PTPRD: variants seen among roughly 807,000 people sequenced by gnomAD.
PTPRD encodes the protein protein tyrosine phosphatase receptor type D.
A neutral mutation model predicts 214.5 loss-of-function variants in PTPRD; 34 were observed. That is an observed-to-expected ratio of 0.16 (90% CI 0.12 to 0.21). PTPRD has a LOEUF of 0.21. Among genes scored for constraint, PTPRD ranks in the 10% least tolerant of loss-of-function variants. The probability of loss-of-function intolerance (pLI) is 1.00; values close to 1 mark genes in which losing one functional copy is unlikely to be tolerated. For missense variants in PTPRD, 2,545 were observed against 2,398.7 expected (o/e 1.06, Z -1.27); for synonymous variants, 1,128 against 845.7 (o/e 1.33, Z -5.79).
chr9:9,453,020 A>ATTTTT (rs34378799), intron 8 of PTPRD, among the ~76,000 whole-genome samples: 3 of 144,932 alleles, frequency 2.1e-5, no homozygotes, highest in South Asian at 2.1e-4. Flanking sequence ...AGCCTATTTT[A>ATTTTT]TTTTTTTTTT....
rs147154916 is a variant in PTPRD at position 9,757,986 on chromosome 9, G to C, written c.-326+8824C>G. On this transcript the variant is annotated intron_variant, in intron 6 of 45. Transcript: ENST00000381196. Reference sequence around the variant, plus strand: ...AGTCATAATTATTACCAACTTATCAGTGCTTACATTTGGATAGTTCCACTG... The same window carrying C: ...AGTCATAATTATTACCAACTTATCACTGCTTACATTTGGATAGTTCCACTG... 4.2e-3 allele frequency among the ~76,000 whole-genome samples: 639 copies of C among 151,966 alleles called. 2 individuals are homozygous for C. Among genetic ancestry groups the C allele is most frequent in the African/African-American group, 0.014 (594 of 41,456 alleles).
chr9:9,840,060 C>CA (rs1360615169), intron 5 of PTPRD, among the ~76,000 whole-genome samples: 1 of 151,890 alleles, frequency 6.6e-6, no homozygotes, highest in Non-Finnish European at 1.5e-5. Context: ...TTTTCTGAGA[C>CA]AGAGTCTCGC....
chr9:8,795,465 G>T (rs2154514224), intron 11 of PTPRD, among the ~76,000 whole-genome samples: 1 of 152,222 alleles, frequency 6.6e-6, no homozygotes, highest in South Asian at 2.1e-4. Context: ...ACCACACCCA[G>T]CCAATGAAAA....
chr9:9,293,224 T>C (rs1951789888), intron 9 of PTPRD, among the ~76,000 whole-genome samples: 1 of 151,608 alleles, frequency 6.6e-6, no homozygotes, highest in Non-Finnish European at 1.5e-5. Flanking sequence ...TTTACCTATT[T>C]AATCATTAAC....
At chr9:9,822,805 C>T (rs150610123) in intron 5 of PTPRD, among the ~76,000 whole-genome samples, 42 of 151,764 alleles carry the variant, frequency 2.8e-4, no homozygotes, top group South Asian at 6.2e-4. Context: ...CGATTCTCAG[C>T]GAAATAATAA....
chr9:8,832,410 CTT>C (rs5896262), intron 11 of PTPRD, among the ~76,000 whole-genome samples: 11,606 of 127,892 alleles, frequency 0.091, 591 homozygotes, highest in African/African-American at 0.099. Context: ...CTAAAATCAT[CTT>C]TTTTTTTTTT....
At chr9:8,673,151 T>G (rs879786819) in intron 12 of PTPRD, among the ~76,000 whole-genome samples, 10 of 151,954 alleles carry the variant, frequency 6.6e-5, no homozygotes, top group Non-Finnish European at 1.0e-4. Flanking sequence ...TCTGAGAATA[T>G]CAGATCATCT....
At chr9:10,411,600 G>T (rs1048207839) in intron 2 of PTPRD, among the ~76,000 whole-genome samples, 1 of 151,672 alleles carries the variant, frequency 6.6e-6, no homozygotes, top group Non-Finnish European at 1.5e-5. Context: ...CTTACTTGCT[G>T]ATTTGCTATA....
At chr9:9,527,457 C>A (rs2074384268) in intron 8 of PTPRD, among the ~76,000 whole-genome samples, 1 of 152,150 alleles carries the variant, frequency 6.6e-6, no homozygotes. Context: ...ACTGTCTCTT[C>A]ATCAGAAAAT....
chr9:10,412,761 A>G (rs1000538477), intron 2 of PTPRD, among the ~76,000 whole-genome samples: 17 of 151,902 alleles, frequency 1.1e-4, no homozygotes, highest in Admixed American at 1.1e-3. Flanking sequence ...GCTTATCCAC[A>G]ACGATCAAGT....
intron 8 of PTPRD, among the ~76,000 whole-genome samples, chr9:9,506,271 G>A (rs1369775982): frequency 2.0e-5 from 3 of 151,272 alleles, no homozygotes; most frequent in East Asian, 1.9e-4. Flanking sequence ...CATTCATACT[G>A]AGGACAAAAG....
chr9:9,864,339 A>AAAAC (rs1555236429), intron 5 of PTPRD, among the ~76,000 whole-genome samples: 70 of 151,854 alleles, frequency 4.6e-4, no homozygotes, highest in African/African-American at 1.6e-3. Flanking sequence ...TAAAAAAAAA[A>AAAAC]AAAGTTTTGT....
intron 9 of PTPRD, among the ~76,000 whole-genome samples, chr9:9,252,850 T>TAACC (rs2099976056): frequency 6.6e-6 from 1 of 152,072 alleles, no homozygotes; most frequent in South Asian, 2.1e-4. Flanking sequence ...TTGTTACAGA[T>TAACC]AACCAGCCAA....
At chr9:10,360,426 C>G (rs2097357224) in intron 2 of PTPRD, among the ~76,000 whole-genome samples, 1 of 152,184 alleles carries the variant, frequency 6.6e-6, no homozygotes, top group Admixed American at 6.5e-5. Flanking sequence ...ATGTCATTGT[C>G]TAGAAAAAAG....
intron 2 of PTPRD, among the ~76,000 whole-genome samples, chr9:10,491,613 G>C (rs1464202485): frequency 6.6e-6 from 1 of 151,266 alleles, no homozygotes; most frequent in Non-Finnish European, 1.5e-5. Flanking sequence ...TTTACAACTA[G>C]ATAAAAAAAA....
chr9:9,534,527 A>AT (rs1175868707), intron 8 of PTPRD, among the ~76,000 whole-genome samples: 1 of 152,074 alleles, frequency 6.6e-6, no homozygotes, highest in Admixed American at 6.6e-5. Context: ...TAATACATAA[A>AT]TTTTTTAAAA....
At chr9:10,527,020 T>C (rs2054503217) in intron 2 of PTPRD, among the ~76,000 whole-genome samples, 1 of 152,158 alleles carries the variant, frequency 6.6e-6, no homozygotes, top group African/African-American at 2.4e-5. Flanking sequence ...TCTTATTTAA[T>C]ATAAATGTAC....
chr9:9,924,701 G>A (rs1368500083), intron 5 of PTPRD, among the ~76,000 whole-genome samples: 1 of 152,036 alleles, frequency 6.6e-6, no homozygotes, highest in Non-Finnish European at 1.5e-5. Flanking sequence ...TTTTAAAAGA[G>A]CCTAGATGTT....
At chr9:10,280,116 T>C (rs2095010742) in intron 3 of PTPRD, among the ~76,000 whole-genome samples, 1 of 152,272 alleles carries the variant, frequency 6.6e-6, no homozygotes, top group Admixed American at 6.5e-5. Flanking sequence ...TGCTGAAAGA[T>C]TCAAATAAAT....
Sources: gnomAD v4.1 joint callset for allele counts (sites outside exome capture counted in the v4.1 genomes callset) on GRCh38, gnomAD v4.1.1 for gene constraint, MANE v1.5 for transcripts, NCBI Gene and HGNC (gene_info 2026-07-23, HGNC 2026-07-21) for gene names.